Variants in GRM8 observed in about 807,000 individuals in gnomAD.
GRM8 encodes metabotropic glutamate receptor 8.
Under a neutral mutation model 87.2 loss-of-function variants are expected in GRM8, and 47 were observed. The ratio of observed to expected loss-of-function variants is 0.54; its 90% CI spans 0.43 to 0.69. The LOEUF (loss-of-function observed/expected upper bound fraction) is 0.69. Ranked by LOEUF, GRM8 falls within the 30% of genes least tolerant of loss-of-function variation. The pLI, the probability that GRM8 is intolerant of heterozygous loss-of-function variation, is 0.00. For missense variants in GRM8, 1,019 were observed against 1,139.2 expected, an observed-to-expected ratio of 0.89 and a Z score of 1.52; for synonymous variants, 396 against 404.5, an observed-to-expected ratio of 0.98 and a Z score of 0.25.
At chr7:127,043,834 C>T (rs934993197) in intron 3 of GRM8, among the ~76,000 whole-genome samples, 12 of 152,104 alleles carry the variant, frequency 7.9e-5, no homozygotes, top group Non-Finnish European at 7.4e-5. Context: ...GCAGGAGATG[C>T]TGGGTAGCCA....
chr7:126,575,529 C>A (rs760131871), intron 8 of GRM8, among the ~76,000 whole-genome samples: 89 of 152,072 alleles, frequency 5.9e-4, no homozygotes, highest in Non-Finnish European at 9.3e-4. Flanking sequence ...TGAAACCAGT[C>A]CCTGGTCCCA....
chr7:126,562,461 A>G (rs1475879834), intron 8 of GRM8, among the ~76,000 whole-genome samples: 3 of 152,216 alleles, frequency 2.0e-5, no homozygotes, highest in Non-Finnish European at 4.4e-5. Context: ...TATTATATTG[A>G]GGTTCAAAGA....
chr7:127,245,572 T>C (rs1798543598), intron 1 of GRM8, among the ~76,000 whole-genome samples: 1 of 152,246 alleles, frequency 6.6e-6, no homozygotes. Flanking sequence ...AGTAATAAAA[T>C]TGAGTCGCTT....
At chr7:126,814,187 A>G (rs1258174915) in intron 6 of GRM8, among the ~76,000 whole-genome samples, 2 of 152,114 alleles carry the variant, frequency 1.3e-5, no homozygotes, top group East Asian at 3.9e-4. Context: ...AAAGAGGCTC[A>G]TGTAGTATAC....
At chr7:126,690,187 C>T (rs73720741) in intron 7 of GRM8, among the ~76,000 whole-genome samples, 2,454 of 152,284 alleles carry the variant, frequency 0.016, 46 homozygotes, top group African/African-American at 0.045. Flanking sequence ...GAGTTTTGCT[C>T]GGGCCCGCTA....
chr7:127,000,860 T>A (rs913975699), intron 3 of GRM8, among the ~76,000 whole-genome samples: 2 of 151,580 alleles, frequency 1.3e-5, no homozygotes, highest in African/African-American at 4.8e-5. Context: ...AATTTTATAT[T>A]TTTTTTACTA....
intron 3 of GRM8, among the ~76,000 whole-genome samples, chr7:127,070,236 G>GTGTATC (rs1307454803): frequency 1.3e-5 from 2 of 152,134 alleles, no homozygotes; most frequent in Non-Finnish European, 2.9e-5. Flanking sequence ...TCACTTATGT[G>GTGTATC]TGTATCTGTC....
At chr7:126,927,748 A>C (rs1451348248) in intron 3 of GRM8, among the ~76,000 whole-genome samples, 1 of 152,192 alleles carries the variant, frequency 6.6e-6, no homozygotes, top group Admixed American at 6.5e-5. Context: ...GAGAAATAGG[A>C]ACACTTTTAC....
At chr7:126,659,448 T>C (rs1225803942) in intron 7 of GRM8, among the ~76,000 whole-genome samples, 1 of 152,228 alleles carries the variant, frequency 6.6e-6, no homozygotes, top group Non-Finnish European at 1.5e-5. Flanking sequence ...AATACAAATA[T>C]GATACGTCCA....
chr7:126,620,351 G>A (rs1408446850), intron 7 of GRM8, among the ~76,000 whole-genome samples: 3 of 152,172 alleles, frequency 2.0e-5, no homozygotes, highest in African/African-American at 7.2e-5. Context: ...ATGGAGTTGT[G>A]AGGTAATGTT....
At chr7:126,485,878 T>C (rs1228861863) in intron 9 of GRM8, among the ~76,000 whole-genome samples, 2 of 151,946 alleles carry the variant, frequency 1.3e-5, no homozygotes, top group African/African-American at 2.4e-5. Context: ...GCATTAATGA[T>C]AAACTAGAGA....
chr7:126,935,336 C>T (rs1157950111), intron 3 of GRM8, among the ~76,000 whole-genome samples: 1 of 152,140 alleles, frequency 6.6e-6, no homozygotes, highest in Non-Finnish European at 1.5e-5. Context: ...AGACACAGTT[C>T]ACTGTTTTGG....
rs149507018 is a variant in GRM8, at chr7:126,774,342, T to C, written c.1157-4277A>G. ...GGAAGCTGACAGTGACTCATCAACC[T>C]AATTGGCTGTAAAATTTCATTATGC... On this transcript the variant is annotated intron_variant, in intron 6 of 10. Coordinates refer to ENST00000339582, the MANE Select transcript of GRM8 (RefSeq NM_000845.3). 2.6e-3 allele frequency among the ~76,000 whole-genome samples: 401 copies of C among 152,304 alleles called. 4 individuals carry two copies. The highest frequency in any genetic ancestry group is 8.7e-3 in the African/African-American group (362 of 41,574).
intron 3 of GRM8, among the ~76,000 whole-genome samples, chr7:127,048,341 T>C (rs928586799): frequency 8.6e-5 from 13 of 152,018 alleles, no homozygotes; most frequent in Non-Finnish European, 1.9e-4. Flanking sequence ...GCAGAGAGAA[T>C]AGGAGGTGAG....
intron 2 of GRM8, among the ~76,000 whole-genome samples, chr7:127,160,822 C>A (rs887619822): frequency 7.6e-6 from 1 of 131,600 alleles, no homozygotes; most frequent in African/African-American, 2.8e-5. Flanking sequence ...TTTAGCATTA[C>A]CTCTCTCAGA....
At chr7:126,549,761 T>A (rs556347948) in intron 8 of GRM8, among the ~76,000 whole-genome samples, 1 of 152,116 alleles carries the variant, frequency 6.6e-6, no homozygotes, top group East Asian at 1.9e-4. Context: ...CTGGGAAAAA[T>A]TACCTGAATA....
chr7:126,505,327 T>C (rs1335858674), intron 9 of GRM8, among the ~76,000 whole-genome samples: 1 of 152,094 alleles, frequency 6.6e-6, no homozygotes, highest in East Asian at 1.9e-4. Flanking sequence ...TCTTCTCGAA[T>C]AGACAGACTT....
chr7:126,618,025 C>T (rs2151129939), intron 7 of GRM8, among the ~76,000 whole-genome samples: 1 of 152,314 alleles, frequency 6.6e-6, no homozygotes, highest in African/African-American at 2.4e-5. Context: ...GAAAAAACTA[C>T]TTTAAGGTTA....
chr7:126,816,586 A>T (rs905276149), intron 6 of GRM8, among the ~76,000 whole-genome samples: 1 of 152,110 alleles, frequency 6.6e-6, no homozygotes, highest in African/African-American at 2.4e-5. Flanking sequence ...AAATAAGAGT[A>T]ATGTAATCAC....
Sources: allele counts gnomAD v4.1 joint callset (sites outside exome capture counted in the v4.1 genomes callset), GRCh38; gene constraint gnomAD v4.1.1; transcripts MANE v1.5; gene names NCBI Gene and HGNC (gene_info 2026-07-23, HGNC 2026-07-21).